Variants in SAMD4A observed in about 807,000 individuals in gnomAD.
SAMD4A encodes the protein protein Smaug homolog 1.
A neutral mutation model predicts 81.3 loss-of-function variants in SAMD4A; 33 were observed. The ratio of observed to expected loss-of-function variants is 0.41; its 90% CI spans 0.31 to 0.54. The LOEUF (loss-of-function observed/expected upper bound fraction) is 0.54, where lower values mean the gene tolerates loss of function less well. Among genes scored for constraint, SAMD4A ranks in the 20% least tolerant of loss-of-function variants. The probability of loss-of-function intolerance (pLI) is 0.37; values close to 1 mark genes in which losing one functional copy is unlikely to be tolerated. For synonymous variants in SAMD4A, 389 were observed against 382.1 expected, an observed-to-expected ratio of 1.02 and a Z score of -0.21; for missense variants, 854 against 951.1, an observed-to-expected ratio of 0.90 and a Z score of 1.34.
intron 2 of SAMD4A, among the ~76,000 whole-genome samples, chr14:54,664,607 C>A (rs1321202804): frequency 6.6e-6 from 1 of 151,962 alleles, no homozygotes; most frequent in Non-Finnish European, 1.5e-5. Context: ...GTCCCCCACC[C>A]CCTCTCTTCT....
intron 2 of SAMD4A, chr14:54,690,000 C>T (rs532777435): frequency 3.3e-5 from 5 of 152,226 alleles, no homozygotes; most frequent in African/African-American, 1.2e-4. Context: ...TGAGGAGGAA[C>T]AGATGTGCCA....
In SAMD4A at chr14:54,702,364, G is replaced by T. The variant is rs1411169984; in HGVS notation, c.499G>T (p.Asp167Tyr). The change falls in exon 3 of 13, where the codon GAC (aspartate) becomes TAC (tyrosine). Residue 167 changes from aspartate (D) to tyrosine (Y), a missense_variant. By Grantham distance (160) the Asp-to-Tyr change is radical. Coordinates refer to ENST00000554335, the MANE Select transcript of SAMD4A (RefSeq NM_015589.6). ...SFGGQNRGRSDSVDYGQTHYY... is the reference protein window; with the variant it reads ...SFGGQNRGRSYSVDYGQTHYY... ...TGGTGGCCAGAACCGAGGCCGCTCA[G>T]ACTCTGTGGATTATGGACAGACACA... The T allele has an allele frequency of 1.2e-6, 2 of 1,614,046 alleles. No individual in the cohort carries two copies. Among genetic ancestry groups the T allele is most frequent in the Non-Finnish European group, 1.7e-6 (2 of 1,180,016 alleles).
intron 2 of SAMD4A, among the ~76,000 whole-genome samples, chr14:54,631,008 G>A (rs1053145977): frequency 4.6e-5 from 7 of 151,554 alleles, no homozygotes; most frequent in African/African-American, 1.7e-4. Flanking sequence ...TGCAGGCAGA[G>A]CCAGCAGGCT....
chr14:54,684,786 T>C (rs989006244), intron 2 of SAMD4A, among the ~76,000 whole-genome samples: 12 of 152,242 alleles, frequency 7.9e-5, no homozygotes, highest in Admixed American at 7.8e-4. Context: ...CTTCCAGACC[T>C]GGGCCTTTGG....
intron 2 of SAMD4A, among the ~76,000 whole-genome samples, chr14:54,651,214 C>A (rs567243056): frequency 5.9e-5 from 9 of 152,270 alleles, no homozygotes; most frequent in Non-Finnish European, 8.8e-5. Context: ...TTCTTTTACT[C>A]GACTCAGAAT....
intron 2 of SAMD4A, among the ~76,000 whole-genome samples, chr14:54,647,056 C>A (rs778031478): frequency 6.6e-6 from 1 of 152,170 alleles, no homozygotes; most frequent in African/African-American, 2.4e-5. Flanking sequence ...TAAGTAATAT[C>A]TATTACATTG....
chr14:54,716,084 G>A (rs528217734), intron 3 of SAMD4A, among the ~76,000 whole-genome samples: 2 of 152,256 alleles, frequency 1.3e-5, no homozygotes, highest in South Asian at 4.1e-4. Flanking sequence ...TGGACTATTC[G>A]AAGGCTCTTT....
At position 54,610,368 on chromosome 14, in the gene SAMD4A, G is replaced by A. The variant is rs767995295; in HGVS notation, c.196+42256G>A. 2.0e-5 allele frequency among the ~76,000 whole-genome samples: 3 copies of A among 152,230 alleles called. No individual in the cohort carries two copies. In the East Asian group the frequency reaches 5.8e-4, roughly 29 times the overall value. ...CTGTCGAAAAGCAACTCCAGGCCCCGGAGCTCACAGAGTGCCCATTATAGT... is the reference window on the plus strand; with the variant it reads ...CTGTCGAAAAGCAACTCCAGGCCCCAGAGCTCACAGAGTGCCCATTATAGT... On this transcript the variant is annotated intron_variant, in intron 2 of 12. Coordinates refer to ENST00000554335, the MANE Select transcript of SAMD4A (RefSeq NM_015589.6).
intron 7 of SAMD4A, among the ~76,000 whole-genome samples, chr14:54,761,687 C>T (rs1321010704): frequency 6.6e-6 from 1 of 152,220 alleles, no homozygotes; most frequent in Non-Finnish European, 1.5e-5. Flanking sequence ...ACAGCCTGCA[C>T]ATCCACATGG....
chr14:54,569,468 T>C (rs76887604), intron 2 of SAMD4A, among the ~76,000 whole-genome samples: 284 of 152,246 alleles, frequency 1.9e-3, no homozygotes, highest in African/African-American at 6.6e-3. Context: ...GAGGGCCACA[T>C]TGAGGGAGAT....
intron 2 of SAMD4A, among the ~76,000 whole-genome samples, chr14:54,635,741 CAA>C (rs1330720546): frequency 1.6e-5 from 2 of 126,054 alleles, no homozygotes; most frequent in Admixed American, 8.1e-5. Context: ...GACTCCATCT[CAA>C]AAAAAAAAAA....
intron 2 of SAMD4A, among the ~76,000 whole-genome samples, chr14:54,663,748 G>A (rs1270633003): frequency 6.6e-6 from 1 of 152,122 alleles, no homozygotes; most frequent in African/African-American, 2.4e-5. Context: ...TGAACCTAGG[G>A]GAGGTACTGT....
chr14:54,566,180 T>A (rs2032925453), upstream of SAMD4A, among the ~76,000 whole-genome samples: 2 of 151,222 alleles, frequency 1.3e-5, no homozygotes, highest in Admixed American at 1.3e-4. Flanking sequence ...AGCACCGCAC[T>A]CTCCCCGCGC....
chr14:54,662,274 G>A (rs374670672), intron 2 of SAMD4A, among the ~76,000 whole-genome samples: 1 of 152,218 alleles, frequency 6.6e-6, no homozygotes, highest in African/African-American at 2.4e-5. Flanking sequence ...ATTTAGATGA[G>A]ACTTGAAGGG....
chr14:54,715,420 G>A (rs2037094772), intron 3 of SAMD4A, among the ~76,000 whole-genome samples: 1 of 152,092 alleles, frequency 6.6e-6, no homozygotes, highest in Non-Finnish European at 1.5e-5. Flanking sequence ...AGAGTGAAAT[G>A]TCTAGGAGAA....
intron 3 of SAMD4A, among the ~76,000 whole-genome samples, chr14:54,736,216 A>G (rs1312571479): frequency 6.6e-6 from 1 of 152,226 alleles, no homozygotes; most frequent in African/African-American, 2.4e-5. Flanking sequence ...TGGAAAAGAA[A>G]TTAAAGATGG....
rs774695615 is a variant in SAMD4A, at chr14:54,760,288, C to A, written c.1304C>A (p.Pro435Gln). The change falls in exon 7 of 13, where the codon CCG becomes CAG. Residue 435 changes from proline (P) to glutamine (Q), a missense_variant. Coordinates refer to ENST00000554335, the MANE Select transcript of SAMD4A (RefSeq NM_015589.6). ...PEARRREPQAPRQPSLMGPES... is the reference protein window; with the variant it reads ...PEARRREPQAQRQPSLMGPES... ...GCTCGCCGCCGGGAGCCCCAGGCCC[C>A]GCGTCAGCCCTCACTGATGGGCCCC... 3 of 1,611,772 alleles carry A rather than the reference C, an allele frequency of 1.9e-6. No individual in the cohort carries two copies. Among genetic ancestry groups the A allele is most frequent in the African/African-American group, 2.7e-5 (2 of 74,868 alleles).
intron 2 of SAMD4A, among the ~76,000 whole-genome samples, chr14:54,573,203 T>A (rs1376186934): frequency 6.6e-6 from 1 of 152,234 alleles, no homozygotes; most frequent in Non-Finnish European, 1.5e-5. Flanking sequence ...AGGTCACATA[T>A]ATTTGTACTC....
chr14:54,760,787 C>T (rs980853964), intron 7 of SAMD4A, among the ~76,000 whole-genome samples: 1 of 152,176 alleles, frequency 6.6e-6, no homozygotes, highest in Non-Finnish European at 1.5e-5. Flanking sequence ...GCCAGTGGAC[C>T]CTTGCAGGAG....
Sources: allele counts gnomAD v4.1 joint callset (sites outside exome capture counted in the v4.1 genomes callset), GRCh38; gene constraint gnomAD v4.1.1; transcripts MANE v1.5; gene names NCBI Gene and HGNC (gene_info 2026-07-23, HGNC 2026-07-21).